ZCCHC7: variants seen among roughly 807,000 people sequenced by gnomAD.
ZCCHC7 encodes zinc finger CCHC-type containing 7.
In ZCCHC7, 35 loss-of-function variants were observed where a neutral mutation model predicts 52.0. The ratio of observed to expected loss-of-function variants is 0.67; its 90% CI spans 0.51 to 0.89. ZCCHC7 has a LOEUF of 0.89. Ranked by LOEUF, ZCCHC7 falls within the 40% of genes least tolerant of loss-of-function variation. The probability of loss-of-function intolerance (pLI) is 0.00; values close to 1 mark genes in which losing one functional copy is unlikely to be tolerated. For synonymous variants in ZCCHC7, 217 were observed against 221.5 expected, an observed-to-expected ratio of 0.98 and a Z score of 0.18; for missense variants, 574 against 649.1, an observed-to-expected ratio of 0.88 and a Z score of 1.26.
chr9:37,337,885 A>G (rs1477111965), intron 6 of ZCCHC7, among the ~76,000 whole-genome samples: 2 of 152,158 alleles, frequency 1.3e-5, no homozygotes, highest in Non-Finnish European at 2.9e-5. Flanking sequence ...AGCCTTTGCT[A>G]ACTTACTTTA....
chr9:37,346,762 C>T (rs1038450168), intron 6 of ZCCHC7, among the ~76,000 whole-genome samples: 7 of 152,156 alleles, frequency 4.6e-5, no homozygotes, highest in African/African-American at 1.7e-4. Context: ...GATCACTTGA[C>T]CCCAGGAGTT....
intron 2 of ZCCHC7, among the ~76,000 whole-genome samples, chr9:37,238,781 T>A (rs1380154155): frequency 6.6e-6 from 1 of 152,108 alleles, no homozygotes; most frequent in East Asian, 1.9e-4. Context: ...CGAATAAATG[T>A]GATGGCAGCA....
At chr9:37,332,734 T>A (rs2118284201) in intron 6 of ZCCHC7, among the ~76,000 whole-genome samples, 1 of 151,548 alleles carries the variant, frequency 6.6e-6, no homozygotes, top group South Asian at 2.1e-4. Flanking sequence ...TCTCAATAAA[T>A]GAGATTCTTT....
chr9:37,352,963 A>AT (rs755263462), intron 7 of ZCCHC7, among the ~76,000 whole-genome samples: 1 of 152,232 alleles, frequency 6.6e-6, no homozygotes, highest in Non-Finnish European at 1.5e-5. Context: ...AATGATAAAG[A>AT]TTAGAACCGA....
chr9:37,134,628 C>T (rs911170524), intron 2 of ZCCHC7, among the ~76,000 whole-genome samples: 2 of 152,210 alleles, frequency 1.3e-5, no homozygotes, highest in Non-Finnish European at 2.9e-5. Context: ...TGCCCTTCCC[C>T]TTATGAGTAA....
At chr9:37,302,285 T>C in intron 3 of ZCCHC7, 54 bp downstream of exon 3, 2 of 1,405,792 alleles carry the variant, frequency 1.4e-6, no homozygotes, top group Non-Finnish European at 2.0e-6. Context: ...TGCTTCATAG[T>C]TTATTATGAT....
intron 2 of ZCCHC7, among the ~76,000 whole-genome samples, chr9:37,255,458 G>T (rs1471238559): frequency 2.0e-5 from 3 of 152,050 alleles, no homozygotes; most frequent in African/African-American, 4.8e-5. Context: ...TCCTCATGGG[G>T]ACAGTGCAAG....
At chr9:37,285,546 T>G (rs1197973159) in intron 2 of ZCCHC7, among the ~76,000 whole-genome samples, 1 of 152,150 alleles carries the variant, frequency 6.6e-6, no homozygotes, top group Non-Finnish European at 1.5e-5. Flanking sequence ...GGTCTAAGTA[T>G]TCCATTTGGC....
At chr9:37,327,685 A>T in intron 5 of ZCCHC7, 114 bp from the exon 6 acceptor site, 3 of 1,113,192 alleles carry the variant, frequency 2.7e-6, no homozygotes, top group Non-Finnish European at 4.0e-6. Flanking sequence ...CCTTTCTGTT[A>T]AGCTTCTTAT....
intron 5 of ZCCHC7, chr9:37,327,216 G>A (rs2118152876): frequency 6.6e-6 from 1 of 152,046 alleles, no homozygotes; most frequent in African/African-American, 2.4e-5. Flanking sequence ...AGTTGTTTTT[G>A]CTACAGATGT....
At chr9:37,286,135 A>G (rs1004474157) in intron 2 of ZCCHC7, among the ~76,000 whole-genome samples, 18 of 152,230 alleles carry the variant, frequency 1.2e-4, no homozygotes, top group African/African-American at 4.1e-4. Flanking sequence ...TTTTATTATT[A>G]GAGAAAGTCA....
At chr9:37,233,619 A>G (rs1467800734) in intron 2 of ZCCHC7, among the ~76,000 whole-genome samples, 2 of 152,174 alleles carry the variant, frequency 1.3e-5, no homozygotes, top group African/African-American at 2.4e-5. Context: ...TGGTAAGGTC[A>G]AGTAACCATT....
intron 2 of ZCCHC7, among the ~76,000 whole-genome samples, chr9:37,166,715 G>C (rs899119749): frequency 6.6e-6 from 1 of 151,398 alleles, no homozygotes; most frequent in Non-Finnish European, 1.5e-5. Context: ...ACTTCTTTAG[G>C]GCATCCCACA....
chr9:37,356,397 A>G (rs1194101972), intron 8 of ZCCHC7, among the ~76,000 whole-genome samples: 1 of 152,254 alleles, frequency 6.6e-6, no homozygotes, highest in Admixed American at 6.5e-5. Flanking sequence ...GCATCCACCT[A>G]AAAGTACTAT....
chr9:37,329,782 A>C (rs1300929410), intron 6 of ZCCHC7, among the ~76,000 whole-genome samples: 1 of 151,892 alleles, frequency 6.6e-6, no homozygotes, highest in South Asian at 2.1e-4. Flanking sequence ...ACTGCCATCT[A>C]TTGACTCCTA....
intron 2 of ZCCHC7, 59 bp from the exon 3 acceptor site, chr9:37,302,129 G>A: frequency 1.5e-6 from 2 of 1,372,846 alleles, no homozygotes; most frequent in Non-Finnish European, 2.1e-6. Context: ...GTAATCTATT[G>A]TCAATCTATA....
chr9:37,253,526 G>A (rs1380963218), intron 2 of ZCCHC7, among the ~76,000 whole-genome samples: 3 of 151,770 alleles, frequency 2.0e-5, no homozygotes, highest in African/African-American at 4.8e-5. Context: ...ATGGTAAACC[G>A]AATGACCTTG....
intron 2 of ZCCHC7, among the ~76,000 whole-genome samples, chr9:37,166,088 T>C (rs758793928): frequency 3.9e-5 from 6 of 152,162 alleles, no homozygotes; most frequent in Non-Finnish European, 7.4e-5. Context: ...CTGTTTATAA[T>C]ATTCCCTCAG....
intron 5 of ZCCHC7, among the ~76,000 whole-genome samples, chr9:37,313,556 T>C (rs996944134): frequency 2.6e-5 from 4 of 152,228 alleles, no homozygotes; most frequent in African/African-American, 9.6e-5. Context: ...TGGTACAGTT[T>C]GGTTCAATGT....
Sources: allele counts gnomAD v4.1 joint callset (sites outside exome capture counted in the v4.1 genomes callset), GRCh38; gene constraint gnomAD v4.1.1; transcripts MANE v1.5; gene names NCBI Gene and HGNC (gene_info 2026-07-23, HGNC 2026-07-21).